DECR1: variants seen among roughly 807,000 people sequenced by gnomAD.
DECR1 encodes the protein 2,4-dienoyl-CoA reductase 1.
A neutral mutation model predicts 38.8 loss-of-function variants in DECR1; 44 were observed. That is an observed-to-expected ratio of 1.13 (90% CI 0.89 to 1.46). DECR1 has a LOEUF of 1.46. Among genes scored for constraint, DECR1 ranks in the 40% most tolerant of loss-of-function variants. The pLI is 0.00. For synonymous variants in DECR1, 148 were observed against 135.2 expected, an observed-to-expected ratio of 1.09 and a Z score of -0.66; for missense variants, 428 against 405.5, an observed-to-expected ratio of 1.06 and a Z score of -0.48.
chr8:90,026,007 T>A (rs185758358), intron 5 of DECR1, among the ~76,000 whole-genome samples: 125 of 152,338 alleles, frequency 8.2e-4, no homozygotes, highest in African/African-American at 3.0e-3. Context: ...TTGTTCTGTT[T>A]GTATGATGGA....
intron 1 of DECR1, among the ~76,000 whole-genome samples, chr8:90,013,298 A>G (rs1031045603): frequency 6.6e-6 from 1 of 152,066 alleles, no homozygotes; most frequent in Non-Finnish European, 1.5e-5. Flanking sequence ...GATCTTCTTA[A>G]TAATGTACCT....
At chr8:90,031,724 T>A (rs1272297284) in intron 5 of DECR1, among the ~76,000 whole-genome samples, 3 of 152,268 alleles carry the variant, frequency 2.0e-5, no homozygotes, top group Middle Eastern at 3.4e-3. Context: ...GTCAGTAAGA[T>A]TAATTGCTAG....
intron 7 of DECR1, among the ~76,000 whole-genome samples, chr8:90,043,990 G>C (rs1470943271): frequency 2.0e-5 from 3 of 152,188 alleles, no homozygotes; most frequent in African/African-American, 7.2e-5. Context: ...GTATCTCTGA[G>C]AAAGTGCTTG....
chr8:90,015,567 T>C (rs1170253487), intron 1 of DECR1: 1 of 441,138 alleles, frequency 2.3e-6, no homozygotes, highest in Non-Finnish European at 4.6e-6. Context: ...TTCTAAATCA[T>C]TGACCACATT....
chr8:90,027,593 A>G (rs549416273), intron 5 of DECR1, among the ~76,000 whole-genome samples: 1 of 151,774 alleles, frequency 6.6e-6, no homozygotes, highest in East Asian at 1.9e-4. Flanking sequence ...CCATCCCTTT[A>G]TTTTGAGCCT....
chr8:90,039,831 G>A (rs1813710019), intron 6 of DECR1, among the ~76,000 whole-genome samples: 2 of 152,198 alleles, frequency 1.3e-5, no homozygotes, highest in South Asian at 2.1e-4. Flanking sequence ...TCATTTGAGA[G>A]CAGGGACTGA....
intron 4 of DECR1, among the ~76,000 whole-genome samples, chr8:90,020,586 G>A (rs768159095): frequency 3.9e-5 from 6 of 152,158 alleles, no homozygotes; most frequent in Middle Eastern, 3.4e-3. Flanking sequence ...TAGAGATGAC[G>A]TCTCGCTTTG....
chr8:90,020,107 G>A (rs1805882), intron 4 of DECR1, among the ~76,000 whole-genome samples: 6,512 of 152,184 alleles, frequency 0.043, 282 homozygotes, highest in East Asian at 0.19. Flanking sequence ...GCTGTTGCTT[G>A]GTACATTTAT....
At chr8:90,030,004 G>A (rs371052363) in intron 5 of DECR1, among the ~76,000 whole-genome samples, 65 of 152,240 alleles carry the variant, frequency 4.3e-4, no homozygotes, top group African/African-American at 1.4e-3. Flanking sequence ...GACCATTTTC[G>A]TGAAAGAAAA....
chr8:90,027,624 G>A (rs1053232793), intron 5 of DECR1, among the ~76,000 whole-genome samples: 3 of 152,026 alleles, frequency 2.0e-5, no homozygotes, highest in African/African-American at 7.2e-5. Context: ...CTGCAGGTGA[G>A]ATGGGTCTCC....
chr8:90,028,059 A>C (rs530891635), intron 5 of DECR1, among the ~76,000 whole-genome samples: 12 of 152,034 alleles, frequency 7.9e-5, no homozygotes, highest in Non-Finnish European at 1.6e-4. Context: ...TGCTTAGTTT[A>C]GTGATTAGGA....
chr8:90,002,772 T>C lies in DECR1; in HGVS notation c.69+1211T>C, dbSNP rs368696972. Among the ~76,000 whole-genome samples, 22 of 152,268 alleles carry C rather than the reference T, an allele frequency of 1.4e-4. No homozygotes were observed. In the East Asian group the frequency reaches 1.9e-3, roughly 13 times the overall value. ...AGTGAGATTTGTTCAGGGTTAGGGT[T>C]TTGCTGATTTTTTTTCTCTCCCTGT... On this transcript the variant is annotated intron_variant, in intron 1 of 9. Coordinates refer to ENST00000220764, the MANE Select transcript of DECR1 (RefSeq NM_001359.2).
At chr8:90,001,612 AAG>A in intron 1 of DECR1, 51 bp downstream of exon 1, 2 of 1,531,440 alleles carry the variant, frequency 1.3e-6, no homozygotes, top group Admixed American at 1.7e-5. Context: ...TCGACGCGCA[AAG>A]AGAGAGGACA....
chr8:90,006,247 G>A (rs920606602), intron 1 of DECR1: 5 of 704,000 alleles, frequency 7.1e-6, no homozygotes, highest in Admixed American at 4.0e-5. Context: ...TGTCAGGACT[G>A]GGGAAGAAGC....
intron 1 of DECR1, among the ~76,000 whole-genome samples, chr8:90,007,274 G>A (rs1404693919): frequency 1.3e-5 from 2 of 152,148 alleles, no homozygotes; most frequent in African/African-American, 4.8e-5. Flanking sequence ...TATGCTATGG[G>A]GAGCGAAGGA....
At chr8:90,041,910 A>G (rs1341957315) in intron 6 of DECR1, among the ~76,000 whole-genome samples, 2 of 151,936 alleles carry the variant, frequency 1.3e-5, no homozygotes, top group Non-Finnish European at 2.9e-5. Flanking sequence ...GCATTATATG[A>G]ATTCTTTTAA....
intron 1 of DECR1, among the ~76,000 whole-genome samples, chr8:90,006,592 A>G (rs953173361): frequency 6.6e-6 from 1 of 152,166 alleles, no homozygotes; most frequent in Non-Finnish European, 1.5e-5. Flanking sequence ...GAGGGCATGC[A>G]TTGGGTTTGG....
intron 1 of DECR1, chr8:90,005,357 C>T (rs1363824293): frequency 2.2e-6 from 1 of 456,262 alleles, no homozygotes; most frequent in Non-Finnish European, 4.4e-6. Context: ...GCATAGAGTC[C>T]AATGGCATTA....
chr8:90,026,335 T>C (rs1260070827), intron 5 of DECR1, among the ~76,000 whole-genome samples: 3 of 152,208 alleles, frequency 2.0e-5, no homozygotes, highest in Non-Finnish European at 4.4e-5. Context: ...GGAATTTGGC[T>C]GTGAATCTGT....
Sources: allele counts gnomAD v4.1 joint callset (sites outside exome capture counted in the v4.1 genomes callset), GRCh38; gene constraint gnomAD v4.1.1; transcripts MANE v1.5; gene names NCBI Gene and HGNC (gene_info 2026-07-23, HGNC 2026-07-21).